CSMD1: variants seen among roughly 807,000 people sequenced by gnomAD.
The protein encoded by CSMD1 is CUB and Sushi multiple domains 1, also known as CUB and sushi domain-containing protein 1.
Under a neutral mutation model 417.5 loss-of-function variants are expected in CSMD1, and 213 were observed. The observed-to-expected ratio is 0.51, with a 90% confidence interval of 0.46 to 0.57. CSMD1 has a LOEUF of 0.57. Among genes scored for constraint, CSMD1 ranks in the 20% least tolerant of loss-of-function variants. The probability of loss-of-function intolerance (pLI) is 0.00; values close to 1 mark genes in which losing one functional copy is unlikely to be tolerated. For synonymous variants in CSMD1, 2,862 were observed against 1,736.8 expected (o/e 1.65, Z -16.11); for missense variants, 6,923 against 4,529.7 (o/e 1.53, Z -15.17).
chr8:4,091,551 T>G (rs981707590), intron 3 of CSMD1, among the ~76,000 whole-genome samples: 2 of 152,174 alleles, frequency 1.3e-5, no homozygotes, highest in African/African-American at 4.8e-5. Flanking sequence ...AATGCAAACG[T>G]GGCCACCGCT....
intron 3 of CSMD1, among the ~76,000 whole-genome samples, chr8:4,290,316 G>C (rs1004439018): frequency 2.0e-5 from 3 of 152,048 alleles, no homozygotes; most frequent in African/African-American, 2.4e-5. Context: ...ATTTCAGATG[G>C]TCGTGTTTGA....
intron 3 of CSMD1, among the ~76,000 whole-genome samples, chr8:4,045,960 T>A (rs1245611156): frequency 6.6e-6 from 1 of 152,150 alleles, no homozygotes; most frequent in African/African-American, 2.4e-5. Flanking sequence ...CAAATCAAAG[T>A]ATATTAGATT....
At chr8:3,690,907 A>G (rs1467885812) in intron 7 of CSMD1, among the ~76,000 whole-genome samples, 2 of 152,220 alleles carry the variant, frequency 1.3e-5, no homozygotes, top group Non-Finnish European at 2.9e-5. Flanking sequence ...AAATAACAAC[A>G]AATAAATTGA....
intron 1 of CSMD1, among the ~76,000 whole-genome samples, chr8:4,757,253 A>G (rs1811724339): frequency 6.6e-6 from 1 of 152,208 alleles, no homozygotes; most frequent in Non-Finnish European, 1.5e-5. Flanking sequence ...AATTGACTAC[A>G]TTTTAAAAGT....
At chr8:4,917,238 T>C (rs1431993453) in intron 1 of CSMD1, among the ~76,000 whole-genome samples, 1 of 152,162 alleles carries the variant, frequency 6.6e-6, no homozygotes, top group Non-Finnish European at 1.5e-5. Flanking sequence ...AACTCTATCA[T>C]GAGACAGCAG....
At chr8:4,113,277 A>T (rs1040087259) in intron 3 of CSMD1, among the ~76,000 whole-genome samples, 4 of 152,116 alleles carry the variant, frequency 2.6e-5, no homozygotes, top group Admixed American at 2.6e-4. Context: ...TTTAAATCAA[A>T]AGCTAGAAAT....
intron 10 of CSMD1, among the ~76,000 whole-genome samples, chr8:3,534,861 C>G (rs1382520444): frequency 6.6e-6 from 1 of 152,192 alleles, no homozygotes; most frequent in African/African-American, 2.4e-5. Context: ...TAGATGTATT[C>G]ATCAACCATC....
chr8:2,946,307 T>C (rs1802230244), intron 68 of CSMD1, among the ~76,000 whole-genome samples: 1 of 152,054 alleles, frequency 6.6e-6, no homozygotes, highest in Admixed American at 6.5e-5. Flanking sequence ...TTTCATAGGG[T>C]GGTGCAATCA....
At chr8:4,029,557 A>T (rs1348734566) in intron 4 of CSMD1, among the ~76,000 whole-genome samples, 1 of 151,954 alleles carries the variant, frequency 6.6e-6, no homozygotes, top group Non-Finnish European at 1.5e-5. Context: ...TGGTTCAATT[A>T]CCTCCCACTG....
chr8:4,467,768 G>T (rs996620613), intron 2 of CSMD1, among the ~76,000 whole-genome samples: 2 of 152,120 alleles, frequency 1.3e-5, no homozygotes, highest in African/African-American at 2.4e-5. Context: ...ACCGTAGAAA[G>T]CACCTTGCAT....
chr8:3,437,309 C>G (rs1040905547), intron 12 of CSMD1, among the ~76,000 whole-genome samples: 3 of 152,156 alleles, frequency 2.0e-5, no homozygotes, highest in Non-Finnish European at 4.4e-5. Context: ...ACACGTCAAC[C>G]CCACTCCATT....
intron 7 of CSMD1, among the ~76,000 whole-genome samples, chr8:3,664,011 G>C (rs1026795549): frequency 1.3e-5 from 2 of 152,190 alleles, no homozygotes; most frequent in African/African-American, 4.8e-5. Flanking sequence ...GATGGCTTGA[G>C]TTAAAGTTCT....
At chr8:4,701,523 A>T (rs1166731505) in intron 1 of CSMD1, among the ~76,000 whole-genome samples, 2 of 151,942 alleles carry the variant, frequency 1.3e-5, no homozygotes, top group African/African-American at 2.4e-5. Context: ...AGGGACTGGG[A>T]AGCATCAATG....
chr8:4,962,608 C>T (rs1293774873), intron 1 of CSMD1, among the ~76,000 whole-genome samples: 1 of 152,112 alleles, frequency 6.6e-6, no homozygotes, highest in South Asian at 2.1e-4. Flanking sequence ...TAAAGCACCC[C>T]AGATGCCAGT....
At chr8:4,356,144 T>G (rs1296947401) in intron 3 of CSMD1, among the ~76,000 whole-genome samples, 2 of 152,172 alleles carry the variant, frequency 1.3e-5, no homozygotes, top group Non-Finnish European at 2.9e-5. Flanking sequence ...GTCCATTGTA[T>G]CTTTCTTATG....
At chr8:3,419,278 T>C (rs1813341776) in intron 12 of CSMD1, among the ~76,000 whole-genome samples, 1 of 152,220 alleles carries the variant, frequency 6.6e-6, no homozygotes, top group South Asian at 2.1e-4. Context: ...CCTGGTTGAT[T>C]CTTGAGTTCA....
chr8:4,599,668 G>T (rs921812963), intron 2 of CSMD1, among the ~76,000 whole-genome samples: 3 of 152,130 alleles, frequency 2.0e-5, no homozygotes, highest in Non-Finnish European at 4.4e-5. Context: ...GGAATGACAT[G>T]CAAACTATTT....
chr8:4,947,870 T>C (rs1304662368), intron 1 of CSMD1, among the ~76,000 whole-genome samples: 3 of 152,146 alleles, frequency 2.0e-5, no homozygotes, highest in Non-Finnish European at 1.5e-5. Flanking sequence ...AATATCATTT[T>C]GTGAACATAT....
intron 5 of CSMD1, among the ~76,000 whole-genome samples, chr8:3,810,448 G>A (rs1445396290): frequency 6.6e-6 from 1 of 152,094 alleles, no homozygotes; most frequent in Non-Finnish European, 1.5e-5. Context: ...AGGGAGCACG[G>A]GAGGACCTGG....
Sources: gnomAD v4.1 joint callset for allele counts (sites outside exome capture counted in the v4.1 genomes callset) on GRCh38, gnomAD v4.1.1 for gene constraint, MANE v1.5 for transcripts, NCBI Gene and HGNC (gene_info 2026-07-23, HGNC 2026-07-21) for gene names.